The following RGS22 variants were observed in gnomAD, a reference collection of about 807,000 sequenced individuals.
The protein encoded by RGS22 is regulator of G-protein signaling 22.
Under a neutral mutation model 172.9 loss-of-function variants are expected in RGS22, and 148 were observed. The observed-to-expected ratio is 0.86, with a 90% CI of 0.75 to 0.98. The LOEUF is 0.98. Among genes scored for constraint, RGS22 ranks in the 50% least tolerant of loss-of-function variants. RGS22 has a pLI of 0.00. For missense variants in RGS22, 1,347 were observed against 1,440.8 expected, an observed-to-expected ratio of 0.93 and a Z score of 1.05; for synonymous variants, 458 against 480.2, an observed-to-expected ratio of 0.95 and a Z score of 0.60.
In RGS22 at chr8:100,041,753, T is replaced by G. The variant is rs1586090373; in HGVS notation, c.1938+49A>C. ...CAAATTCTCTAAAATCAGGAGATACTGATCAGTTAAATGAAGAATCAGGTT... is the reference window on the plus strand; with the variant it reads ...CAAATTCTCTAAAATCAGGAGATACGGATCAGTTAAATGAAGAATCAGGTT... On this transcript the variant is annotated intron_variant, in intron 12 of 27. Transcript: ENST00000360863. 9 of 959,378 alleles carry G rather than the reference T, an allele frequency of 9.4e-6. No individual in the cohort carries two copies. In the East Asian group the frequency reaches 2.2e-4, roughly 24 times the overall value. The allele number at this position is 959,378 out of a possible 1,614,324, so 59.4% of individuals were successfully genotyped here.
At chr8:100,104,017 C>T (rs1714031292) in intron 2 of RGS22, among the ~76,000 whole-genome samples, 1 of 152,154 alleles carries the variant, frequency 6.6e-6, no homozygotes, top group Admixed American at 6.5e-5. Flanking sequence ...AGAAATTTCC[C>T]ATTAAAAGCA....
Position 100,063,867 on chromosome 8 carries a change from C to T in RGS22, c.901G>A (p.Val301Ile). The T allele has an allele frequency of 6.2e-7, 1 of 1,611,652 alleles. No homozygotes were observed. The highest frequency in any genetic ancestry group is 1.3e-5 in the African/African-American group (1 of 74,848). ...AAATGCATTGTCAGGCTTTCATCAA[C>T]ATCCTGTTTCTTTTCAAGGTATACT... ...LRVYLEKKQD[V>I]DESLTMHFST... Residue 301 changes from valine to isoleucine, a missense_variant, in exon 8 of 28, where the codon GTT (valine) becomes ATT (isoleucine). Physicochemically the swap from Val to Ile is conservative, Grantham distance 29. Coordinates refer to ENST00000360863, the MANE Select transcript of RGS22 (RefSeq NM_015668.5).
At chr8:99,973,279 G>A (rs1811569996) in intron 23 of RGS22, among the ~76,000 whole-genome samples, 1 of 152,112 alleles carries the variant, frequency 6.6e-6, no homozygotes, top group South Asian at 2.1e-4. Context: ...GCCCATCAAT[G>A]ATAGACTGGA....
chr8:99,980,198 G>T (rs912619938), intron 22 of RGS22, among the ~76,000 whole-genome samples: 6 of 152,154 alleles, frequency 3.9e-5, no homozygotes, highest in African/African-American at 1.2e-4. Context: ...CCAAAGTGCT[G>T]GGATTACTTA....
At position 100,004,170 on chromosome 8, in the gene RGS22, C is replaced by A; in HGVS notation, c.2455-72G>T. 2.8e-6 allele frequency: 4 copies of A among 1,439,844 alleles called. No individual in the cohort carries two copies. The South Asian group carries it at 6.7e-5, about 24-fold the overall frequency. The allele number at this position is 1,439,844 out of a possible 1,614,324, so 89.2% of individuals were successfully genotyped here. ...TTGTTTACAATTTTAAGTAGAGAAA[C>A]TGAAAGAAAAATCAACCATTAGGCC... On this transcript the variant is annotated intron_variant, in intron 16 of 27. Coordinates refer to ENST00000360863, the MANE Select transcript of RGS22 (RefSeq NM_015668.5).
rs1286552386 is a variant in RGS22, at chr8:100,008,512, C to T, written c.2224G>A (p.Glu742Lys). The change falls in exon 15 of 28, where the codon GAA (glutamate) becomes AAA (lysine). Residue 742 changes from glutamate (E) to lysine (K), a missense_variant. Coordinates refer to ENST00000360863, the MANE Select transcript of RGS22 (RefSeq NM_015668.5). Reference sequence around the variant, plus strand: ...TTCATATAAATTTCTTTTTTCTTTTCCTGTTGGAGTCCAATGTCAAGAGTG... The same window carrying T: ...TTCATATAAATTTCTTTTTTCTTTTTCTGTTGGAGTCCAATGTCAAGAGTG... ...SATLDIGLQQ[E>K]KKKEIYMKIQ... 1 of 1,612,478 alleles carries T rather than the reference C, an allele frequency of 6.2e-7. No individual in the cohort carries two copies. The highest frequency in any genetic ancestry group is 8.5e-7 in the Non-Finnish European group (1 of 1,179,624).
intron 4 of RGS22, among the ~76,000 whole-genome samples, chr8:100,079,006 G>A (rs953605643): frequency 3.9e-5 from 6 of 152,158 alleles, no homozygotes; most frequent in Admixed American, 3.9e-4. Flanking sequence ...TAATTAATCA[G>A]TCTATCTTCA....
intron 17 of RGS22, among the ~76,000 whole-genome samples, chr8:100,003,585 A>T (rs942021667): frequency 2.0e-5 from 3 of 152,160 alleles, no homozygotes; most frequent in East Asian, 1.9e-4. Context: ...TAAAAAGGAC[A>T]CATTCCAGAA....
At chr8:100,080,996 C>T (rs1371030624) in intron 3 of RGS22, 1 of 152,222 alleles carries the variant, frequency 6.6e-6, no homozygotes. Context: ...ATAAGTACCT[C>T]TGTGACTCTA....
In RGS22 at chr8:100,066,202, T is replaced by C. The variant is rs200353487; in HGVS notation, c.689A>G (p.Asn230Ser). 1 of 1,613,640 alleles carries C rather than the reference T, an allele frequency of 6.2e-7. No individual in the cohort carries two copies. The highest frequency in any genetic ancestry group is 8.5e-7 in the Non-Finnish European group (1 of 1,179,682). The change falls in exon 7 of 28, where the codon AAC becomes AGC. Residue 230 changes from asparagine to serine, a missense_variant. Asn to Ser is a conservative substitution (Grantham distance 46). Coordinates refer to ENST00000360863, the MANE Select transcript of RGS22 (RefSeq NM_015668.5). The part of the protein sequence containing the change: ...TFSLPCCVPY[N>S]KLKSPAISSV... ...TGAAATAGCTGGTGATTTAAGTTTG[T>C]TGTAGGGTACACAACAGGGTAACGA...
chr8:100,051,934 TA>T (rs1318884052), intron 10 of RGS22, among the ~76,000 whole-genome samples: 57 of 49,400 alleles, frequency 1.2e-3, no homozygotes, highest in African/African-American at 2.2e-3. Context: ...TGTTTATATA[TA>T]TTTATATATT....
Position 99,962,930 on chromosome 8 carries a change from T to C in RGS22, c.3664A>G (p.Ile1222Val). The change falls in exon 25 of 28, where the codon ATT becomes GTT. Residue 1222 changes from isoleucine (I) to valine (V), a missense_variant. By Grantham distance (29) the Ile-to-Val change is conservative (BLOSUM62 3). Transcript: ENST00000360863. ...AGTTCTTCTTGGATCTTAAGAAGAATTCTCTCCTGTTCTAAGGCTTCTATA... is the reference window on the plus strand; with the variant it reads ...AGTTCTTCTTGGATCTTAAGAAGAACTCTCTCCTGTTCTAAGGCTTCTATA... ...KYIEALEQERILLKIQEELEK... is the reference protein window; with the variant it reads ...KYIEALEQERVLLKIQEELEK... 1 of 1,599,954 alleles carries C rather than the reference T, an allele frequency of 6.3e-7. No homozygotes were observed. The highest frequency in any genetic ancestry group is 8.5e-7 in the Non-Finnish European group (1 of 1,176,858).
chr8:100,008,783 A>T (rs117973806), intron 14 of RGS22, among the ~76,000 whole-genome samples: 11 of 152,362 alleles, frequency 7.2e-5, no homozygotes, highest in Non-Finnish European at 1.5e-4. Flanking sequence ...CTTCATCAGT[A>T]ATTAGTCAAT....
chr8:100,093,493 G>T lies in RGS22; in HGVS notation c.71C>A (p.Thr24Lys). The T allele has an allele frequency of 3.8e-6, 6 of 1,593,160 alleles. No homozygotes were observed. In the South Asian group the frequency reaches 6.8e-5, roughly 18 times the overall value. ...AAAGTAGTCTACAAGGAAATCATCTGTTGCCAGAGAATCTTCCTGCAAAAA... is the reference window on the plus strand; with the variant it reads ...AAAGTAGTCTACAAGGAAATCATCTTTTGCCAGAGAATCTTCCTGCAAAAA... Reference protein sequence around the residue: ...TEEEFEDSLATDDFLVDYFNE... With the variant: ...TEEEFEDSLAKDDFLVDYFNE... The change falls in exon 3 of 28, where the codon ACA (threonine) becomes AAA (lysine). Residue 24 changes from threonine to lysine, a missense_variant. By Grantham distance (78) the Thr-to-Lys change is moderately conservative. Transcript: ENST00000360863.
At chr8:100,024,938 A>C (rs1052459523) in intron 14 of RGS22, among the ~76,000 whole-genome samples, 1 of 152,146 alleles carries the variant, frequency 6.6e-6, no homozygotes, top group African/African-American at 2.4e-5. Context: ...GGTATAATAG[A>C]TAATGGTGTT....
At position 99,981,996 on chromosome 8, in the gene RGS22, C is replaced by T; in HGVS notation, c.3301G>A (p.Ala1101Thr). ...TTCCGGTGTTCAATAATCTTCTGGGCTTGCTCTACTGGAATGTCAATTTGT... is the reference window on the plus strand; with the variant it reads ...TTCCGGTGTTCAATAATCTTCTGGGTTTGCTCTACTGGAATGTCAATTTGT... ...ALQIDIPVEQ[A>T]QKIIEHRKEL... The change falls in exon 22 of 28, where the codon GCC (alanine) becomes ACC (threonine). Residue 1101 changes from alanine to threonine, a missense_variant. Physicochemically the swap from Ala to Thr is moderately conservative, Grantham distance 58 (BLOSUM62 0). Transcript: ENST00000360863. 1 of 1,613,980 alleles carries T rather than the reference C, an allele frequency of 6.2e-7. No individual in the cohort carries two copies. The highest frequency in any genetic ancestry group is 8.5e-7 in the Non-Finnish European group (1 of 1,179,956).
At chr8:100,019,495 G>C (rs1190902866) in intron 14 of RGS22, among the ~76,000 whole-genome samples, 2 of 152,232 alleles carry the variant, frequency 1.3e-5, no homozygotes, top group African/African-American at 4.8e-5. Context: ...CTTTGGAACT[G>C]TATGACTTAA....
intron 21 of RGS22, among the ~76,000 whole-genome samples, chr8:99,985,649 T>C (rs1813016806): frequency 6.6e-6 from 1 of 152,232 alleles, no homozygotes; most frequent in Non-Finnish European, 1.5e-5. Flanking sequence ...GTTTGTTATA[T>C]GAACAAATTT....
At chr8:100,089,978 C>T (rs754861424) in intron 3 of RGS22, among the ~76,000 whole-genome samples, 6 of 152,000 alleles carry the variant, frequency 3.9e-5, no homozygotes, top group Non-Finnish European at 8.8e-5. Flanking sequence ...CTGATAAAAA[C>T]AGTTAAAAAG....
Sources: gnomAD v4.1 joint callset for allele counts (sites outside exome capture counted in the v4.1 genomes callset) on GRCh38, gnomAD v4.1.1 for gene constraint, MANE v1.5 for transcripts, NCBI Gene and HGNC (gene_info 2026-07-23, HGNC 2026-07-21) for gene names.